Variants in TENT2 observed in about 807,000 individuals in gnomAD.
The protein encoded by TENT2 is poly(A) RNA polymerase GLD2.
A neutral mutation model predicts 72.2 loss-of-function variants in TENT2; 44 were observed. The ratio of observed to expected loss-of-function variants is 0.61; its 90% CI spans 0.48 to 0.78. The LOEUF (loss-of-function observed/expected upper bound fraction) is 0.78, where lower values mean the gene tolerates loss of function less well. Among genes scored for constraint, TENT2 ranks in the 30% least tolerant of loss-of-function variants. TENT2 has a pLI of 0.00. For synonymous variants in TENT2, 212 were observed against 192.5 expected, an observed-to-expected ratio of 1.10 and a Z score of -0.84; for missense variants, 541 against 569.6, an observed-to-expected ratio of 0.95 and a Z score of 0.51.
rs150967108 is a variant in TENT2, at chr5:79,619,674, G to A, written c.26G>A (p.Arg9His). 569 of 1,613,278 alleles carry A rather than the reference G, an allele frequency of 3.5e-4. 3 individuals carry two copies. The East Asian group carries it at 9.1e-3, about 26-fold the overall frequency. Residue 9 changes from arginine (R) to histidine (H), a missense_variant, in exon 2 of 15, where the codon CGC (arginine) becomes CAC (histidine). By Grantham distance (29) the Arg-to-His change is conservative (BLOSUM62 0). Coordinates refer to ENST00000453514, the MANE Select transcript of TENT2 (RefSeq NM_001114394.3). MFPNSILG[R>H]PPFTPNHQQH... ...ATGTTCCCAAACTCAATTTTGGGTCGCCCACCCTTCACTCCAAATCATCAA... is the reference window on the plus strand; with the variant it reads ...ATGTTCCCAAACTCAATTTTGGGTCACCCACCCTTCACTCCAAATCATCAA...
intron 1 of TENT2, among the ~76,000 whole-genome samples, chr5:79,614,510 A>G (rs1244461820): frequency 6.6e-6 from 1 of 152,248 alleles, no homozygotes; most frequent in Non-Finnish European, 1.5e-5. Context: ...AGAAAGTACC[A>G]GTATACTCTT....
chr5:79,640,373 C>T lies in TENT2; in HGVS notation c.466-478C>T, dbSNP rs142178884. On this transcript the variant is annotated intron_variant, in intron 4 of 14. Transcript: ENST00000453514. ...AGCCTGGAAGACCGGGGACTGGTGACATCTCTTATATTTGGTATTTGTGGG... is the reference window on the plus strand; with the variant it reads ...AGCCTGGAAGACCGGGGACTGGTGATATCTCTTATATTTGGTATTTGTGGG... Among the ~76,000 whole-genome samples the T allele has an allele frequency of 2.7e-3, 416 of 152,052 alleles. 4 individuals carry two copies. Among genetic ancestry groups the T allele is most frequent in the African/African-American group, 9.4e-3 (388 of 41,482 alleles).
intron 3 of TENT2, among the ~76,000 whole-genome samples, chr5:79,621,711 T>TC (rs1190397016): frequency 1.6e-5 from 2 of 122,806 alleles, no homozygotes; most frequent in Non-Finnish European, 3.4e-5. Context: ...TAAGCCAAGA[T>TC]CCCCCCACTG....
chr5:79,613,686 GTTGT>G (rs752504740), intron 1 of TENT2, among the ~76,000 whole-genome samples: 3 of 152,186 alleles, frequency 2.0e-5, no homozygotes, highest in African/African-American at 7.2e-5. Flanking sequence ...CCGTTTATGA[GTTGT>G]TTAAGAAATG....
In TENT2 at chr5:79,685,195, C is replaced by T. The variant is rs1825651167; in HGVS notation, c.1381-4C>T. 1 of 1,598,916 alleles carries T rather than the reference C, an allele frequency of 6.3e-7. No homozygotes were observed. The highest frequency in any genetic ancestry group is 1.7e-5 in the Admixed American group (1 of 57,218). ...TTTAAGAATGATTTTTCTTTCTCTC[C>T]CAGTCATGGCACAGATTGAAAAACA... On this transcript the variant is annotated splice_polypyrimidine_tract_variant and splice_region_variant and intron_variant, in intron 14 of 14. Transcript: ENST00000453514.
chr5:79,655,960 A>T (rs182311825), intron 10 of TENT2, among the ~76,000 whole-genome samples: 23 of 152,042 alleles, frequency 1.5e-4, no homozygotes, highest in African/African-American at 5.1e-4. Flanking sequence ...GGTTCATTAC[A>T]TTTACATTAA....
intron 12 of TENT2, among the ~76,000 whole-genome samples, chr5:79,672,275 G>A (rs903918707): frequency 3.3e-5 from 5 of 152,000 alleles, no homozygotes; most frequent in African/African-American, 1.2e-4. Context: ...GGGTAAATGG[G>A]GTATCCATCA....
At chr5:79,619,949 G>GA in intron 2 of TENT2, 45 bp from the exon 3 acceptor site, 1 of 1,490,352 alleles carries the variant, frequency 6.7e-7, no homozygotes, top group Non-Finnish European at 9.1e-7. Flanking sequence ...TGTTTTTAAA[G>GA]AAAAAATATG....
chr5:79,636,027 CTTTTT>C (rs1467597838), intron 4 of TENT2, among the ~76,000 whole-genome samples: 4 of 152,142 alleles, frequency 2.6e-5, no homozygotes, highest in African/African-American at 7.2e-5. Flanking sequence ...TTTTTCTTTT[CTTTTT>C]AACAATGACT....
chr5:79,629,977 T>C (rs962632134), intron 4 of TENT2, among the ~76,000 whole-genome samples: 2 of 150,098 alleles, frequency 1.3e-5, no homozygotes, highest in African/African-American at 4.9e-5. Flanking sequence ...CTACTAAAAA[T>C]ACAAAAAAAT....
intron 14 of TENT2, among the ~76,000 whole-genome samples, chr5:79,682,938 A>C (rs1367954766): frequency 1.3e-5 from 2 of 152,110 alleles, no homozygotes; most frequent in Admixed American, 1.3e-4. Context: ...AAAGCTTTGT[A>C]GAAGAAAAAG....
intron 10 of TENT2, among the ~76,000 whole-genome samples, chr5:79,656,509 T>C (rs1027226925): frequency 6.6e-6 from 1 of 152,002 alleles, no homozygotes; most frequent in Non-Finnish European, 1.5e-5. Flanking sequence ...AATTAAATAA[T>C]AAAGGGACAA....
intron 10 of TENT2, among the ~76,000 whole-genome samples, chr5:79,656,728 T>C (rs1036360347): frequency 6.6e-6 from 1 of 151,980 alleles, no homozygotes; most frequent in African/African-American, 2.4e-5. Flanking sequence ...GTGAGGAACA[T>C]TGATTTACAT....
rs141548576 is a variant in TENT2 at position 79,662,165 on chromosome 5, T to G, written c.1071+5164T>G. 7.5e-4 allele frequency among the ~76,000 whole-genome samples: 114 copies of G among 152,324 alleles called. 1 individual carries two copies. In the East Asian group the frequency reaches 0.016, roughly 21 times the overall value. On this transcript the variant is annotated intron_variant, in intron 11 of 14. Transcript: ENST00000453514. Reference sequence around the variant, plus strand: ...GAAGCAGAACTTCATCTGTTAAAGTTTTATCATGAAATTGCAGCAGTTCAG... The same window carrying G: ...GAAGCAGAACTTCATCTGTTAAAGTGTTATCATGAAATTGCAGCAGTTCAG...
At chr5:79,647,798 T>C (rs1295835564) in intron 8 of TENT2, among the ~76,000 whole-genome samples, 2 of 152,164 alleles carry the variant, frequency 1.3e-5, no homozygotes, top group African/African-American at 4.8e-5. Context: ...AGTTTAGCCA[T>C]TTTTTATACA....
intron 3 of TENT2, among the ~76,000 whole-genome samples, chr5:79,621,234 TGAG>T (rs1435350811): frequency 1.3e-5 from 2 of 152,178 alleles, no homozygotes; most frequent in Non-Finnish European, 2.9e-5. Flanking sequence ...CCTTGCCTGT[TGAG>T]GAGAAAGCTG....
At chr5:79,654,584 C>T (rs764311) in intron 10 of TENT2, among the ~76,000 whole-genome samples, 31,619 of 151,794 alleles carry the variant, frequency 0.21, 4,939 homozygotes, top group African/African-American at 0.44. Context: ...GCCAACGTGG[C>T]GAAACCCTGT....
rs181866625 is a variant in TENT2 at position 79,685,467 on chromosome 5, T to G, written c.*194T>G. The stretch of plus-strand genomic sequence containing the variant: ...TAAACCCCTTTGATTTAAAAATGTA[T>G]TTTTAAAAATGTTTACATTGATGAT... On this transcript the variant is annotated 3_prime_UTR_variant, in exon 15 of 15. Transcript: ENST00000453514. The G allele has an allele frequency of 5.4e-4, 226 of 418,764 alleles. No individual in the cohort carries two copies. In the Middle Eastern group the frequency reaches 0.011, roughly 20 times the overall value. 25.9% of individuals were successfully genotyped at this position (418,764 alleles called of 1,614,324 possible). A position where few individuals can be genotyped will look rare whatever the true frequency, so the allele number is the denominator to read the frequency against.
intron 4 of TENT2, among the ~76,000 whole-genome samples, chr5:79,638,414 T>G (rs189455073): frequency 7.1e-4 from 108 of 152,332 alleles, no homozygotes; most frequent in African/African-American, 2.5e-3. Flanking sequence ...GGCTCTGTAC[T>G]GTGCAGTTTA....
Sources: allele counts gnomAD v4.1 joint callset (sites outside exome capture counted in the v4.1 genomes callset), GRCh38; gene constraint gnomAD v4.1.1; transcripts MANE v1.5; gene names NCBI Gene and HGNC (gene_info 2026-07-23, HGNC 2026-07-21).